CNTN4: variants seen among roughly 807,000 people sequenced by gnomAD.
CNTN4 encodes contactin 4, also known as contactin-4.
CNTN4 carries 77 observed loss-of-function variants against 122.5 expected under a neutral mutation model. The ratio of observed to expected loss-of-function variants is 0.63; its 90% CI spans 0.52 to 0.76. CNTN4 has a LOEUF of 0.76. CNTN4 is among the 30% of genes least tolerant of loss of function. The probability of loss-of-function intolerance (pLI) is 0.00; values close to 1 mark genes in which losing one functional copy is unlikely to be tolerated. For synonymous variants in CNTN4, 512 were observed against 447.0 expected (o/e 1.15, Z -1.83); for missense variants, 1,256 against 1,259.1 (o/e 1.00, Z 0.04).
At chr3:3,046,228 C>T (rs991053146) in intron 23 of CNTN4, among the ~76,000 whole-genome samples, 2 of 152,176 alleles carry the variant, frequency 1.3e-5, no homozygotes, top group African/African-American at 4.8e-5. Flanking sequence ...AGGAGAACTT[C>T]CCCAGCCTAG....
intron 10 of CNTN4, among the ~76,000 whole-genome samples, chr3:2,889,202 C>G (rs1230077504): frequency 6.6e-6 from 1 of 152,178 alleles, no homozygotes; most frequent in Non-Finnish European, 1.5e-5. Context: ...CTCAGCATTT[C>G]ATTTTGGACT....
chr3:2,998,587 A>G (rs1338893302), intron 14 of CNTN4, among the ~76,000 whole-genome samples: 1 of 152,124 alleles, frequency 6.6e-6, no homozygotes, highest in Non-Finnish European at 1.5e-5. Flanking sequence ...GGCAAAACTA[A>G]CTAAGAGGTA....
intron 24 of CNTN4, among the ~76,000 whole-genome samples, chr3:3,055,242 C>T (rs1261929723): frequency 7.9e-6 from 1 of 127,090 alleles, no homozygotes; most frequent in Admixed American, 8.8e-5. Context: ...CTCCAGGCCA[C>T]AAAAATACAA....
intron 2 of CNTN4, among the ~76,000 whole-genome samples, chr3:2,244,198 ACAT>A (rs1163544878): frequency 6.8e-6 from 1 of 147,614 alleles, no homozygotes; most frequent in South Asian, 2.2e-4. Flanking sequence ...AACAGTTATA[ACAT>A]CATACTGTAA....
intron 2 of CNTN4, among the ~76,000 whole-genome samples, chr3:2,193,294 C>T (rs1354096370): frequency 2.0e-5 from 3 of 151,428 alleles, no homozygotes; most frequent in African/African-American, 7.3e-5. Flanking sequence ...CTGACTTGTC[C>T]TAAAGCCTCA....
chr3:2,736,260 C>T lies in CNTN4; in HGVS notation c.101C>T (p.Pro34Leu), dbSNP rs774231861. Reference sequence around the variant, plus strand: ...CCGATTTTTATTCAAGAACCAAGTCCTGTAATGTTCCCTTTGGATTCTGAG... The same window carrying T: ...CCGATTTTTATTCAAGAACCAAGTCTTGTAATGTTCCCTTTGGATTCTGAG... ...HGPIFIQEPS[P>L]VMFPLDSEEK... is the part of the protein sequence containing the mutation. Residue 34 changes from proline to leucine, a missense_variant, in exon 5 of 25, where the codon CCT (proline) becomes CTT (leucine). Pro to Leu is a moderately conservative substitution (Grantham distance 98, BLOSUM62 -3). Transcript: ENST00000418658. 4 of 1,613,390 alleles carry T rather than the reference C, an allele frequency of 2.5e-6. No individual in the cohort carries two copies. Among genetic ancestry groups the T allele is most frequent in the Non-Finnish European group, 3.4e-6 (4 of 1,179,662 alleles).
Position 2,903,018 on chromosome 3 carries a change from A to G in CNTN4, c.1207+13A>G, listed in dbSNP as rs375389008. ...CTTAGTGTTATAGGTGAGTCTTTAT[A>G]CTGGCAAGAAAAAAAAATTAAAACT... On this transcript the variant is annotated intron_variant, in intron 12 of 24. Transcript: ENST00000418658. The G allele has an allele frequency of 6.2e-7, 1 of 1,612,786 alleles. No individual in the cohort carries two copies.
chr3:2,218,923 G>A (rs1261706786), intron 2 of CNTN4, among the ~76,000 whole-genome samples: 1 of 152,178 alleles, frequency 6.6e-6, no homozygotes, highest in Admixed American at 6.5e-5. Flanking sequence ...AGGAAGCTGT[G>A]CTATGGCATG....
chr3:2,563,694 A>C (rs2079046796), intron 3 of CNTN4, among the ~76,000 whole-genome samples: 1 of 152,216 alleles, frequency 6.6e-6, no homozygotes, highest in Admixed American at 6.5e-5. Flanking sequence ...AAACAATGTT[A>C]GAAGACTAGA....
intron 13 of CNTN4, among the ~76,000 whole-genome samples, chr3:2,945,378 G>A (rs971602055): frequency 1.3e-5 from 2 of 152,148 alleles, no homozygotes; most frequent in African/African-American, 4.8e-5. Context: ...TGATTCCTCT[G>A]CCTCATTTCC....
chr3:3,054,338 T>C (rs1159837803), intron 24 of CNTN4, among the ~76,000 whole-genome samples: 1 of 152,232 alleles, frequency 6.6e-6, no homozygotes, highest in Non-Finnish European at 1.5e-5. Flanking sequence ...ACAAGCATTG[T>C]TAAGTATGCC....
intron 7 of CNTN4, among the ~76,000 whole-genome samples, chr3:2,830,877 A>C (rs1242052852): frequency 6.6e-6 from 1 of 152,202 alleles, no homozygotes; most frequent in Non-Finnish European, 1.5e-5. Flanking sequence ...AAGCAGGATA[A>C]TGATGCAGTA....
chr3:2,319,931 G>A (rs965452506), intron 2 of CNTN4, among the ~76,000 whole-genome samples: 4 of 151,994 alleles, frequency 2.6e-5, no homozygotes, highest in Non-Finnish European at 4.4e-5. Flanking sequence ...ATTTTAAAGC[G>A]TGCTCTTAAA....
rs750017836 is a variant in CNTN4 at position 2,546,279 on chromosome 3, G to T, written c.-88-25137G>T. Reference sequence around the variant, plus strand: ...CTAAATGCCTATCAACAGTAGACTGGATAAAGAAAGTTTGGTACATATATA... The same window carrying T: ...CTAAATGCCTATCAACAGTAGACTGTATAAAGAAAGTTTGGTACATATATA... On this transcript the variant is annotated intron_variant, in intron 3 of 24. Coordinates refer to ENST00000418658, the MANE Select transcript of CNTN4 (RefSeq NM_175607.3). Among the ~76,000 whole-genome samples, 27 of 149,556 alleles carry T rather than the reference G, an allele frequency of 1.8e-4. 3 individuals are homozygous for T. Among genetic ancestry groups the T allele is most frequent in the Admixed American group, 1.5e-3 (23 of 14,936 alleles).
intron 6 of CNTN4, among the ~76,000 whole-genome samples, chr3:2,787,793 GTTT>G (rs10538575): frequency 2.2e-5 from 3 of 138,488 alleles, no homozygotes; most frequent in Non-Finnish European, 3.1e-5. Context: ...GTGGGTTTTT[GTTT>G]TTTTTTTTTT....
chr3:2,782,236 T>G (rs537785463), intron 6 of CNTN4, among the ~76,000 whole-genome samples: 1 of 152,110 alleles, frequency 6.6e-6, no homozygotes, highest in Admixed American at 6.5e-5. Context: ...TGAATCAGTC[T>G]TTCAGGTTAC....
chr3:2,954,635 T>C (rs2094780261), intron 13 of CNTN4, among the ~76,000 whole-genome samples: 1 of 151,936 alleles, frequency 6.6e-6, no homozygotes, highest in Non-Finnish European at 1.5e-5. Flanking sequence ...GTTCATATAT[T>C]GAAGTCAGAA....
chr3:2,257,012 G>A (rs1351551891), intron 2 of CNTN4, among the ~76,000 whole-genome samples: 3 of 152,138 alleles, frequency 2.0e-5, no homozygotes, highest in Admixed American at 6.6e-5. Context: ...CAAGGCTGGA[G>A]GCATCAGGCT....
At chr3:2,400,450 T>TATATATA (rs71058616) in intron 3 of CNTN4, among the ~76,000 whole-genome samples, 23 of 131,682 alleles carry the variant, frequency 1.7e-4, no homozygotes, top group Non-Finnish European at 3.3e-4. Flanking sequence ...TATATATATA[T>TATATATA]CTCTTTTTTT....
Sources: gnomAD v4.1 joint callset for allele counts (sites outside exome capture counted in the v4.1 genomes callset) on GRCh38, gnomAD v4.1.1 for gene constraint, MANE v1.5 for transcripts, NCBI Gene and HGNC (gene_info 2026-07-23, HGNC 2026-07-21) for gene names.